Variants in CYB5D2 observed in about 807,000 individuals in gnomAD.
CYB5D2 encodes cytochrome b5 domain containing 2, also known as neuferricin.
CYB5D2 carries 23 observed loss-of-function variants against 22.8 expected under a neutral mutation model. The observed-to-expected ratio is 1.01, with a 90% CI of 0.73 to 1.43. CYB5D2 has a LOEUF of 1.43. CYB5D2 is among the 40% of genes most tolerant of loss of function. The pLI is 0.00. For synonymous variants in CYB5D2, 170 were observed against 152.2 expected, an observed-to-expected ratio of 1.12 and a Z score of -0.86; for missense variants, 373 against 357.2, an observed-to-expected ratio of 1.04 and a Z score of -0.36.
Position 4,146,707 on chromosome 17 carries a change from T to TA in CYB5D2, c.250+2703dup, listed in dbSNP as rs1555618018. ...GCCTGGCCCGGTGGGTTTTTTTTTT[T>TA]AGTATAGCCAGAAATTTGTAAAAAT... is the stretch of plus-strand genomic sequence containing the variant. On this transcript the variant is annotated intron_variant, in intron 1 of 3. Coordinates refer to ENST00000301391, the MANE Select transcript of CYB5D2 (RefSeq NM_144611.4). Among the ~76,000 whole-genome samples, 48 of 151,096 alleles carry TA rather than the reference T, an allele frequency of 3.2e-4. 1 individual carries two copies. The East Asian group carries it at 8.4e-3, about 26-fold the overall frequency.
chr17:4,155,798 G>A (rs956135003), intron 3 of CYB5D2, among the ~76,000 whole-genome samples: 1 of 152,214 alleles, frequency 6.6e-6, no homozygotes, highest in African/African-American at 2.4e-5. Context: ...CCTCCCCACA[G>A]CCTTCCCCTG....
chr17:4,148,069 G>A (rs2059012500), intron 1 of CYB5D2, among the ~76,000 whole-genome samples: 1 of 152,164 alleles, frequency 6.6e-6, no homozygotes, highest in Non-Finnish European at 1.5e-5. Flanking sequence ...TGCAGGGAGG[G>A]CTTCCTTGAG....
chr17:4,152,519 G>C (rs936415800), intron 2 of CYB5D2, among the ~76,000 whole-genome samples: 2 of 152,204 alleles, frequency 1.3e-5, no homozygotes, highest in Admixed American at 1.3e-4. Flanking sequence ...GCAGCCACTG[G>C]TGATCACCAT....
chr17:4,154,568 C>T (rs1793902250), intron 2 of CYB5D2, 106 bp from the exon 3 acceptor site: 5 of 1,322,026 alleles, frequency 3.8e-6, no homozygotes, highest in Non-Finnish European at 4.1e-6. Context: ...ATTAAACGCG[C>T]ACCAGCAGGA....
At chr17:4,156,736 C>T (rs535694664) in intron 3 of CYB5D2, 130 bp from the exon 4 acceptor site, 2 of 986,610 alleles carry the variant, frequency 2.0e-6, no homozygotes, top group Non-Finnish European at 3.0e-6. Context: ...GCGCTGTAGC[C>T]TGCTGCCTTG....
chr17:4,149,865 G>T (rs2059035124), intron 1 of CYB5D2, 26 bp from the exon 2 acceptor site: 1 of 1,605,614 alleles, frequency 6.2e-7, no homozygotes, highest in African/African-American at 1.3e-5. Flanking sequence ...TTACACCTGG[G>T]TCTGATGGAA....
intron 2 of CYB5D2, among the ~76,000 whole-genome samples, chr17:4,153,528 C>T (rs1049942798): frequency 2.0e-5 from 3 of 152,258 alleles, no homozygotes; most frequent in Non-Finnish European, 4.4e-5. Flanking sequence ...TTTAATCAGG[C>T]ATCGGAGAGC....
chr17:4,144,499 T>C (rs925503409), intron 1 of CYB5D2, among the ~76,000 whole-genome samples: 5 of 152,196 alleles, frequency 3.3e-5, no homozygotes, highest in Non-Finnish European at 5.9e-5. Flanking sequence ...AATACTTTAT[T>C]CCTTTATGGC....
Position 4,157,190 on chromosome 17 carries a change from C to A in CYB5D2, c.*108C>A. The A allele has an allele frequency of 8.2e-7, 1 of 1,212,968 alleles. No homozygotes were observed. Among genetic ancestry groups the A allele is most frequent in the East Asian group, 2.5e-5 (1 of 39,316 alleles). The allele number at this position is 1,212,968 out of a possible 1,614,324, so 75.1% of individuals were successfully genotyped here. A position where few individuals can be genotyped will look rare whatever the true frequency, so the allele number is the denominator to read the frequency against. On this transcript the variant is annotated 3_prime_UTR_variant, in exon 4 of 4. Coordinates refer to ENST00000301391, the MANE Select transcript of CYB5D2 (RefSeq NM_144611.4). The surrounding 1 kb of genome is among the most constrained non-coding windows in gnomAD (Gnocchi z 4.4). ...GCCTCCTGGCGCGAATCAGGAGGGT[C>A]TGGAAGGACTCTGGCTATATTCTGC...
At chr17:4,148,333 G>A (rs994737420) in intron 1 of CYB5D2, among the ~76,000 whole-genome samples, 18 of 151,796 alleles carry the variant, frequency 1.2e-4, no homozygotes, top group African/African-American at 4.3e-4. Flanking sequence ...CCTGGCCAAC[G>A]TGGCAAAACC....
intron 1 of CYB5D2, among the ~76,000 whole-genome samples, chr17:4,147,058 C>A (rs1303049455): frequency 6.6e-6 from 1 of 152,094 alleles, no homozygotes; most frequent in Non-Finnish European, 1.5e-5. Context: ...TTTTTGGTTT[C>A]TTTCTACTTT....
chr17:4,146,010 G>A (rs1219599090), intron 1 of CYB5D2, among the ~76,000 whole-genome samples: 1 of 152,196 alleles, frequency 6.6e-6, no homozygotes, highest in African/African-American at 2.4e-5. Context: ...TGTTGGCCAG[G>A]CCGGTCTTGA....
Position 4,143,919 on chromosome 17 carries a change from T to C in CYB5D2, c.164T>C (p.Leu55Pro), listed in dbSNP as rs369636605. Residue 55 changes from leucine (L) to proline (P), a missense_variant, in exon 1 of 4, where the codon CTG becomes CCG. Transcript: ENST00000301391. Reference protein sequence around the residue: ...RYRGGPGDPGLYLALLGRVYD... With the variant: ...RYRGGPGDPGPYLALLGRVYD... ...CGCGGCGGCCCAGGGGACCCGGGCCTGTACTTGGCGTTGCTCGGCCGTGTC... is the reference window on the plus strand; with the variant it reads ...CGCGGCGGCCCAGGGGACCCGGGCCCGTACTTGGCGTTGCTCGGCCGTGTC... 1.5e-4 allele frequency: 247 copies of C among 1,613,688 alleles called. No individual in the cohort carries two copies. Among genetic ancestry groups the C allele is most frequent in the Non-Finnish European group, 1.7e-4 (202 of 1,180,008 alleles).
At position 4,149,961 on chromosome 17, in the gene CYB5D2, C is replaced by G. The variant is rs753557822; in HGVS notation, c.321C>G (p.Asp107Glu). 3.2e-5 allele frequency: 51 copies of G among 1,613,970 alleles called. No homozygotes were observed. In the Admixed American group the frequency reaches 8.3e-4, roughly 26 times the overall value. ...SEAGLVDDVS[D>E]LSAAEMLTLH... is the part of the protein sequence containing the mutation. ...CAGGCCTCGTGGATGACGTATCCGACCTGTCAGCCGCTGAGATGCTGACAC... is the reference window on the plus strand; with the variant it reads ...CAGGCCTCGTGGATGACGTATCCGAGCTGTCAGCCGCTGAGATGCTGACAC... Residue 107 changes from aspartate to glutamate, a missense_variant, in exon 2 of 4, where the codon GAC becomes GAG. Coordinates refer to ENST00000301391, the MANE Select transcript of CYB5D2 (RefSeq NM_144611.4).
At chr17:4,146,718 G>A (rs1428318758) in intron 1 of CYB5D2, among the ~76,000 whole-genome samples, 4 of 150,966 alleles carry the variant, frequency 2.6e-5, no homozygotes, top group African/African-American at 9.8e-5. Flanking sequence ...AGTATAGCCA[G>A]AAATTTGTAA....
Position 4,157,441 on chromosome 17 carries a change from C to T in CYB5D2, c.*359C>T, listed in dbSNP as rs527824353. The T allele has an allele frequency of 4.3e-5, 13 of 301,582 alleles. 1 individual carries two copies. The highest frequency in any genetic ancestry group is 3.0e-4 in the South Asian group (7 of 23,210). The allele number at this position is 301,582 out of a possible 1,614,324, so 18.7% of individuals were successfully genotyped here. A position where few individuals can be genotyped will look rare whatever the true frequency, so the allele number is the denominator to read the frequency against. ...TGATTACAGCTGGGCCAATACAGTA[C>T]GAGGCAATAACAAATTAGTGTGGGT... On this transcript the variant is annotated 3_prime_UTR_variant, in exon 4 of 4. Coordinates refer to ENST00000301391, the MANE Select transcript of CYB5D2 (RefSeq NM_144611.4). The surrounding 1 kb of genome is among the most constrained non-coding windows in gnomAD (Gnocchi z 4.4).
chr17:4,153,224 A>G (rs2059076782), intron 2 of CYB5D2, among the ~76,000 whole-genome samples: 1 of 152,116 alleles, frequency 6.6e-6, no homozygotes, highest in Non-Finnish European at 1.5e-5. Context: ...CATGCTCAGG[A>G]GTGGCTTCTT....
intron 2 of CYB5D2, among the ~76,000 whole-genome samples, chr17:4,153,491 G>A (rs1321978964): frequency 6.6e-6 from 1 of 152,198 alleles, no homozygotes; most frequent in Admixed American, 6.5e-5. Flanking sequence ...TTGCATTTTT[G>A]TCTGCTTTAA....
rs1156713283 is a variant in CYB5D2, at chr17:4,143,604, CGA to C, written c.-145_-144del. 3.3e-5 allele frequency: 36 copies of C among 1,100,168 alleles called. No homozygotes were observed. Among genetic ancestry groups the C allele is most frequent in the Middle Eastern group, 3.2e-4 (1 of 3,124 alleles). The allele number at this position is 1,100,168 out of a possible 1,614,324, so 68.2% of individuals were successfully genotyped here. ...GCCAGTGCCAGGAATACAGATAAAA[CGA>C]GAGAGACTAAGGGAGGGAGCGCGAG... On this transcript the variant is annotated 5_prime_UTR_variant, in exon 1 of 4. Coordinates refer to ENST00000301391, the MANE Select transcript of CYB5D2 (RefSeq NM_144611.4).
Sources: allele counts gnomAD v4.1 joint callset (sites outside exome capture counted in the v4.1 genomes callset), GRCh38; gene constraint gnomAD v4.1.1; non-coding constraint Gnocchi (gnomAD v3.1); transcripts MANE v1.5; gene names NCBI Gene and HGNC (gene_info 2026-07-23, HGNC 2026-07-21).